Variants in NELL2 observed in about 807,000 individuals in gnomAD.
The protein encoded by NELL2 is neural EGFL like 2.
NELL2 carries 41 observed loss-of-function variants against 109.6 expected under a neutral mutation model. The observed-to-expected ratio is 0.37, with a 90% CI of 0.29 to 0.49. The LOEUF (loss-of-function observed/expected upper bound fraction) is 0.49, where lower values mean the gene tolerates loss of function less well. Ranked by LOEUF, NELL2 falls within the 20% of genes least tolerant of loss-of-function variation. The pLI is 0.98. For missense variants in NELL2, 900 were observed against 1,008.3 expected, an observed-to-expected ratio of 0.89 and a Z score of 1.45; for synonymous variants, 355 against 344.7, an observed-to-expected ratio of 1.03 and a Z score of -0.33.
intron 3 of NELL2, among the ~76,000 whole-genome samples, chr12:44,782,514 A>G (rs1592522674): frequency 6.6e-6 from 1 of 151,988 alleles, no homozygotes; most frequent in African/African-American, 2.4e-5. Context: ...CACTTCAAAT[A>G]TAACAGTCTA....
At chr12:44,689,100 C>T (rs1948820916) in intron 12 of NELL2, among the ~76,000 whole-genome samples, 2 of 152,170 alleles carry the variant, frequency 1.3e-5, no homozygotes, top group African/African-American at 4.8e-5. Context: ...TCCCCAATTA[C>T]TTCTGAGTGC....
chr12:44,676,193 T>G (rs769913429), intron 12 of NELL2, among the ~76,000 whole-genome samples: 28 of 152,080 alleles, frequency 1.8e-4, no homozygotes, highest in Non-Finnish European at 3.1e-4. Context: ...TCACCAGCTG[T>G]GAAATACTGG....
At chr12:44,884,359 AAAG>A (rs1224818863) in intron 1 of NELL2, among the ~76,000 whole-genome samples, 3 of 151,960 alleles carry the variant, frequency 2.0e-5, no homozygotes, top group Non-Finnish European at 2.9e-5. Flanking sequence ...AATAGAACTG[AAAG>A]AAGAAGTAGA....
At chr12:44,744,191 G>A (rs1225921444) in intron 9 of NELL2, among the ~76,000 whole-genome samples, 6 of 152,024 alleles carry the variant, frequency 3.9e-5, no homozygotes, top group Admixed American at 2.0e-4. Context: ...AACCTGCTCT[G>A]GAATGACTAC....
upstream of NELL2, among the ~76,000 whole-genome samples, chr12:44,918,606 T>C (rs1945846729): frequency 6.6e-6 from 1 of 151,432 alleles, no homozygotes; most frequent in African/African-American, 2.4e-5. Context: ...GAACCTTAAT[T>C]TTCCTCTTTC....
intron 13 of NELL2, among the ~76,000 whole-genome samples, chr12:44,657,447 T>C (rs939434427): frequency 6.6e-5 from 10 of 152,184 alleles, no homozygotes; most frequent in African/African-American, 2.2e-4. Flanking sequence ...TCTTCACACA[T>C]TGTCTTATGA....
intron 12 of NELL2, among the ~76,000 whole-genome samples, chr12:44,688,603 G>A (rs1948803849): frequency 1.3e-5 from 2 of 152,180 alleles, no homozygotes; most frequent in Non-Finnish European, 2.9e-5. Context: ...AAACAGCAGA[G>A]GTAAGAATTC....
intron 15 of NELL2, among the ~76,000 whole-genome samples, chr12:44,535,566 C>G (rs541938010): frequency 1.3e-5 from 2 of 152,014 alleles, no homozygotes; most frequent in Non-Finnish European, 1.5e-5. Context: ...AATTTACAAT[C>G]ATATAGAACA....
At chr12:44,736,128 A>G (rs1294345778) in intron 9 of NELL2, among the ~76,000 whole-genome samples, 1 of 147,518 alleles carries the variant, frequency 6.8e-6, no homozygotes, top group Non-Finnish European at 1.5e-5. Context: ...CTCCTGCCTC[A>G]GCCTCCCGAG....
At chr12:44,718,318 G>A (rs1385275887) in intron 9 of NELL2, among the ~76,000 whole-genome samples, 1 of 152,104 alleles carries the variant, frequency 6.6e-6, no homozygotes, top group Non-Finnish European at 1.5e-5. Flanking sequence ...GACCGTCCCT[G>A]GAATTCTCTA....
intron 10 of NELL2, among the ~76,000 whole-genome samples, chr12:44,712,028 C>G (rs1030092187): frequency 1.3e-5 from 2 of 151,930 alleles, no homozygotes; most frequent in African/African-American, 4.8e-5. Flanking sequence ...AAACACTTCC[C>G]AAGGAGAAAC....
At chr12:44,536,401 TAA>T in intron 15 of NELL2, among the ~76,000 whole-genome samples, 1 of 152,120 alleles carries the variant, frequency 6.6e-6, no homozygotes, top group Middle Eastern at 3.4e-3. Flanking sequence ...CACAAAGCAG[TAA>T]AAAAGAGTTC....
At chr12:44,785,059 G>T (rs1422502956) in intron 3 of NELL2, among the ~76,000 whole-genome samples, 1 of 152,174 alleles carries the variant, frequency 6.6e-6, no homozygotes, top group African/African-American at 2.4e-5. Context: ...AAGAAATAAA[G>T]TGTATTCAAA....
intron 3 of NELL2, among the ~76,000 whole-genome samples, chr12:44,806,653 G>A (rs1943010689): frequency 6.6e-6 from 1 of 151,698 alleles, no homozygotes; most frequent in Admixed American, 6.6e-5. Context: ...TGCTTTGGTT[G>A]TTTAGTGCCC....
intron 10 of NELL2, among the ~76,000 whole-genome samples, chr12:44,714,260 G>A (rs1938367619): frequency 6.6e-6 from 1 of 151,724 alleles, no homozygotes. Flanking sequence ...TTTTAGTTAG[G>A]TAATTTTTCG....
chr12:44,868,165 C>T (rs1431269696), intron 2 of NELL2, among the ~76,000 whole-genome samples: 1 of 134,772 alleles, frequency 7.4e-6, no homozygotes, highest in Admixed American at 7.2e-5. Flanking sequence ...AAAAAGAAAT[C>T]ATGAAAACAA....
chr12:44,770,693 A>T (rs761001575), intron 9 of NELL2, among the ~76,000 whole-genome samples: 4 of 152,206 alleles, frequency 2.6e-5, no homozygotes, highest in Non-Finnish European at 5.9e-5. Context: ...CACTTAAACT[A>T]ACTGTTGCTA....
At chr12:44,763,134 A>T (rs913120963) in intron 9 of NELL2, among the ~76,000 whole-genome samples, 3 of 152,184 alleles carry the variant, frequency 2.0e-5, no homozygotes, top group African/African-American at 7.2e-5. Context: ...CTGAAGAGAC[A>T]TTAATACATT....
At chr12:44,528,656 G>T (rs1468815848) in intron 16 of NELL2, among the ~76,000 whole-genome samples, 1 of 152,188 alleles carries the variant, frequency 6.6e-6, no homozygotes, top group Non-Finnish European at 1.5e-5. Context: ...CACAAACTAT[G>T]ACCTTTGAAA....
Sources: allele counts gnomAD v4.1 joint callset (sites outside exome capture counted in the v4.1 genomes callset), GRCh38; gene constraint gnomAD v4.1.1; transcripts MANE v1.5; gene names NCBI Gene and HGNC (gene_info 2026-07-23, HGNC 2026-07-21).